The following KIRREL1 variants were observed in gnomAD, a reference collection of about 807,000 sequenced individuals.
KIRREL1 encodes the protein kirre like nephrin family adhesion molecule 1, also known as kin of IRRE-like protein 1.
KIRREL1 carries 25 observed loss-of-function variants against 83.3 expected under a neutral mutation model. That is an observed-to-expected ratio of 0.30 (90% CI 0.22 to 0.42). KIRREL1 has a LOEUF of 0.42. KIRREL1 is among the 10% of genes least tolerant of loss of function. KIRREL1 has a pLI of 1.00. For missense variants in KIRREL1, 812 were observed against 1,032.3 expected (o/e 0.79, Z 2.92); for synonymous variants, 388 against 410.4 (o/e 0.95, Z 0.66).
intron 4 of KIRREL1, 98 bp from the exon 5 acceptor site, chr1:158,086,498 A>G (rs1662018210): frequency 7.4e-6 from 9 of 1,219,144 alleles, no homozygotes; most frequent in Non-Finnish European, 9.2e-6. Flanking sequence ...AAGTTAAAGT[A>G]CCCCTCCAGC....
chr1:158,085,742 C>T (rs1661993819), intron 4 of KIRREL1, among the ~76,000 whole-genome samples: 1 of 152,298 alleles, frequency 6.6e-6, no homozygotes, highest in Middle Eastern at 3.4e-3. Flanking sequence ...TTCCCTCAGG[C>T]AGTTTGCAAT....
At position 158,097,880 on chromosome 1, in the gene KIRREL1, CCTAA is replaced by C. The variant is rs1170471143; in HGVS notation, c.*2763_*2766del. 1 of 151,838 alleles carries C rather than the reference CCTAA, an allele frequency of 6.6e-6. No homozygotes were observed. The highest frequency in any genetic ancestry group is 1.5e-5 in the Non-Finnish European group (1 of 67,964). The allele number at this position is 151,838 out of a possible 1,614,324, so 9.4% of individuals were successfully genotyped here. A position where few individuals can be genotyped will look rare whatever the true frequency, so the allele number is the denominator to read the frequency against. The stretch of plus-strand genomic sequence containing the variant: ...TGAAGCTGCAAAGGTTAGATCTCGG[CCTAA>C]CTTTCTGTTCATTGCCCCCAATTTG... On this transcript the variant is annotated 3_prime_UTR_variant, in exon 15 of 15. Coordinates refer to ENST00000359209, the MANE Select transcript of KIRREL1 (RefSeq NM_018240.7).
Position 158,088,573 on chromosome 1 carries a change from C to T in KIRREL1, c.1044+119C>T, listed in dbSNP as rs1662093995. Reference sequence around the variant, plus strand: ...GATCTCGGCTCACTGCAAGCTCCGCCTCCCGGGTTCACGCCATTCTCCTGC... The same window carrying T: ...GATCTCGGCTCACTGCAAGCTCCGCTTCCCGGGTTCACGCCATTCTCCTGC... On this transcript the variant is annotated intron_variant, in intron 8 of 14. Transcript: ENST00000359209. 7 of 865,008 alleles carry T rather than the reference C, an allele frequency of 8.1e-6. No homozygotes were observed. The South Asian group carries it at 1.5e-4, about 18-fold the overall frequency. 53.6% of individuals were successfully genotyped at this position (865,008 alleles called of 1,614,324 possible).
intron 1 of KIRREL1, among the ~76,000 whole-genome samples, chr1:158,067,383 T>A (rs1319090895): frequency 6.6e-6 from 1 of 152,028 alleles, no homozygotes; most frequent in Non-Finnish European, 1.5e-5. Context: ...TCCCTCCACA[T>A]CCCTGCAGGA....
chr1:158,093,769 G>T lies in KIRREL1; in HGVS notation c.1719+7G>T, dbSNP rs763589876. On this transcript the variant is annotated splice_region_variant and intron_variant, in intron 13 of 14. Coordinates refer to ENST00000359209, the MANE Select transcript of KIRREL1 (RefSeq NM_018240.7). Reference sequence around the variant, plus strand: ...CATGAAGGCCATCTACTCGGTGAGGGTCCTGCTCCTCTCTGGCCTCCTGCC... The same window carrying T: ...CATGAAGGCCATCTACTCGGTGAGGTTCCTGCTCCTCTCTGGCCTCCTGCC... 14 of 1,613,894 alleles carry T rather than the reference G, an allele frequency of 8.7e-6. No homozygotes were observed. Among genetic ancestry groups the T allele is most frequent in the Non-Finnish European group, 1.2e-5 (14 of 1,179,996 alleles).
chr1:158,064,828 T>A (rs1412891336), intron 1 of KIRREL1, among the ~76,000 whole-genome samples: 1 of 152,066 alleles, frequency 6.6e-6, no homozygotes, highest in Non-Finnish European at 1.5e-5. Context: ...CAGAGCCCCA[T>A]ACCTTCCCGT....
intron 1 of KIRREL1, among the ~76,000 whole-genome samples, chr1:158,037,695 C>G (rs1449642718): frequency 1.3e-5 from 2 of 152,178 alleles, no homozygotes; most frequent in Non-Finnish European, 2.9e-5. Context: ...CCTCCTCCAG[C>G]AAGCATCCTC....
At chr1:158,038,485 C>CTTTTT (rs11340189) in intron 1 of KIRREL1, among the ~76,000 whole-genome samples, 1 of 68,086 alleles carries the variant, frequency 1.5e-5, no homozygotes, top group African/African-American at 4.6e-5. Context: ...GGCTCTTCCT[C>CTTTTT]TTTTTTTTTT....
At chr1:158,081,366 A>T (rs10908617) in intron 3 of KIRREL1, among the ~76,000 whole-genome samples, 58,716 of 152,122 alleles carry the variant, frequency 0.39, 12,523 homozygotes, top group East Asian at 0.67. Context: ...AGTCATATAC[A>T]GGAGGCACTT....
At chr1:158,023,728 A>T (rs867108471) in intron 1 of KIRREL1, among the ~76,000 whole-genome samples, 8 of 152,346 alleles carry the variant, frequency 5.3e-5, no homozygotes, top group Middle Eastern at 6.8e-3. Flanking sequence ...TTGAGACAGG[A>T]TTAAATAATT....
At position 158,046,748 on chromosome 1, in the gene KIRREL1, C is replaced by A. The variant is rs146283534; in HGVS notation, c.53-29365C>A. On this transcript the variant is annotated intron_variant, in intron 1 of 14. Coordinates refer to ENST00000359209, the MANE Select transcript of KIRREL1 (RefSeq NM_018240.7). ...GCTGATCCATTAAGCAAGATGAGGA[C>A]GAAGATGAGGGCCAGTGTTGGATTT... Among the ~76,000 whole-genome samples, 45 of 152,044 alleles carry A rather than the reference C, an allele frequency of 3.0e-4. No individual in the cohort carries two copies. The East Asian group carries it at 8.1e-3, about 27-fold the overall frequency.
intron 1 of KIRREL1, among the ~76,000 whole-genome samples, chr1:158,042,909 T>A (rs1336560549): frequency 1.1e-4 from 13 of 121,964 alleles, no homozygotes; most frequent in Non-Finnish European, 1.2e-4. Flanking sequence ...CCGTCTCTAC[T>A]AAAAAAAAAA....
chr1:158,027,460 C>T (rs1407030208), intron 1 of KIRREL1, among the ~76,000 whole-genome samples: 1 of 152,192 alleles, frequency 6.6e-6, no homozygotes. Flanking sequence ...TAACCTTCAG[C>T]CCCTCTTCCC....
chr1:158,093,557 A>T, intron 12 of KIRREL1, 66 bp from the exon 13 acceptor site: 1 of 1,608,410 alleles, frequency 6.2e-7, no homozygotes, highest in Non-Finnish European at 8.5e-7. Context: ...GCCCAGAGGG[A>T]GCCAGAAGCA....
intron 1 of KIRREL1, among the ~76,000 whole-genome samples, chr1:158,066,333 CCT>C (rs980524355): frequency 3.5e-4 from 54 of 152,294 alleles, no homozygotes; most frequent in African/African-American, 1.3e-3. Context: ...TCTGTCCTGT[CCT>C]CTGTTTCTTT....
At chr1:158,012,728 A>G (rs1224190060) in intron 1 of KIRREL1, among the ~76,000 whole-genome samples, 1 of 152,232 alleles carries the variant, frequency 6.6e-6, no homozygotes, top group Non-Finnish European at 1.5e-5. Flanking sequence ...TGTAAAGTCT[A>G]TAGGGGCAAG....
intron 1 of KIRREL1, among the ~76,000 whole-genome samples, chr1:158,051,183 G>T (rs895388686): frequency 6.6e-6 from 1 of 152,156 alleles, no homozygotes; most frequent in African/African-American, 2.4e-5. Flanking sequence ...TGCAAGGTTT[G>T]CTCACACTCA....
At chr1:158,070,426 G>A (rs139700121) in intron 1 of KIRREL1, among the ~76,000 whole-genome samples, 21 of 152,332 alleles carry the variant, frequency 1.4e-4, no homozygotes, top group South Asian at 6.2e-4. Context: ...ATCTGCCTCG[G>A]TGCCTGGCAC....
At chr1:158,087,940 G>A in intron 6 of KIRREL1, 66 bp from the exon 7 acceptor site, 1 of 1,609,372 alleles carries the variant, frequency 6.2e-7, no homozygotes, top group Non-Finnish European at 8.5e-7. Flanking sequence ...GGGGAGGCCA[G>A]GTGTCATGGA....
Sources: allele counts gnomAD v4.1 joint callset (sites outside exome capture counted in the v4.1 genomes callset), GRCh38; gene constraint gnomAD v4.1.1; transcripts MANE v1.5; gene names NCBI Gene and HGNC (gene_info 2026-07-23, HGNC 2026-07-21).